Variants in PPM1L observed in about 807,000 individuals in gnomAD.
PPM1L encodes protein phosphatase 1L.
A neutral mutation model predicts 31.4 loss-of-function variants in PPM1L; 13 were observed. The observed-to-expected ratio is 0.41, with a 90% confidence interval of 0.27 to 0.66. The LOEUF (loss-of-function observed/expected upper bound fraction) is 0.66, where lower values mean the gene tolerates loss of function less well. Ranked by LOEUF, PPM1L falls within the 30% of genes least tolerant of loss-of-function variation. The pLI is 0.29. For missense variants in PPM1L, 326 were observed against 453.7 expected (o/e 0.72, Z 2.56); for synonymous variants, 184 against 175.4 (o/e 1.05, Z -0.39).
intron 1 of PPM1L, among the ~76,000 whole-genome samples, chr3:160,929,660 T>C (rs570873872): frequency 6.6e-6 from 1 of 152,326 alleles, no homozygotes; most frequent in South Asian, 2.1e-4. Context: ...CAGTGCATTT[T>C]CCCCATATCC....
At chr3:161,065,613 C>G in intron 3 of PPM1L, 49 bp downstream of exon 3, 3 of 1,580,116 alleles carry the variant, frequency 1.9e-6, no homozygotes, top group East Asian at 2.2e-5. Context: ...TGCTGGTGAA[C>G]AAGGCGGCTT....
intron 2 of PPM1L, among the ~76,000 whole-genome samples, chr3:160,991,795 CA>C (rs1717143622): frequency 6.6e-6 from 1 of 152,126 alleles, no homozygotes; most frequent in Non-Finnish European, 1.5e-5. Context: ...AAGTGTATGC[CA>C]TTCATCTCAT....
At chr3:160,894,928 T>G (rs1258421804) in intron 1 of PPM1L, among the ~76,000 whole-genome samples, 1 of 152,242 alleles carries the variant, frequency 6.6e-6, no homozygotes, top group Non-Finnish European at 1.5e-5. Flanking sequence ...TTTATTTATC[T>G]GTTTTGATTC....
intron 1 of PPM1L, among the ~76,000 whole-genome samples, chr3:160,803,982 A>G (rs1447510130): frequency 6.6e-6 from 1 of 152,178 alleles, no homozygotes; most frequent in Non-Finnish European, 1.5e-5. Context: ...CAGTGGCGCA[A>G]TCTCCGCTCA....
intron 1 of PPM1L, among the ~76,000 whole-genome samples, chr3:160,831,470 A>G (rs1473469302): frequency 6.6e-6 from 1 of 152,204 alleles, no homozygotes; most frequent in Non-Finnish European, 1.5e-5. Context: ...TATAGTTAAG[A>G]CATTCTGTTT....
chr3:160,962,284 G>T (rs1333994870), intron 2 of PPM1L, among the ~76,000 whole-genome samples: 1 of 151,306 alleles, frequency 6.6e-6, no homozygotes, highest in African/African-American at 2.4e-5. Context: ...TTCTAAAGAG[G>T]TATTTTTTTT....
chr3:160,914,292 T>TC (rs1442344579), intron 1 of PPM1L, among the ~76,000 whole-genome samples: 2 of 152,144 alleles, frequency 1.3e-5, no homozygotes, highest in African/African-American at 2.4e-5. Flanking sequence ...TTGAAGGAGT[T>TC]CTTTTTTTTA....
Position 160,756,762 on chromosome 3 carries a change from T to C in PPM1L, c.399+55T>C. On this transcript the variant is annotated intron_variant, in intron 1 of 3. Coordinates refer to ENST00000498165, the MANE Select transcript of PPM1L (RefSeq NM_139245.4). The surrounding 1 kb of genome is among the most constrained non-coding windows in gnomAD (Gnocchi z 6.2). ...TGTCCGTGTATGTCTCGTGTGTGTGTGTGTGTGTGTGTGTGTGTGTGTGTG... is the reference window on the plus strand; with the variant it reads ...TGTCCGTGTATGTCTCGTGTGTGTGCGTGTGTGTGTGTGTGTGTGTGTGTG... 7.8e-7 allele frequency: 1 copy of C among 1,282,292 alleles called. No individual in the cohort carries two copies. Among genetic ancestry groups the C allele is most frequent in the African/African-American group, 1.8e-5 (1 of 56,010 alleles). The allele number at this position is 1,282,292 out of a possible 1,614,324, so 79.4% of individuals were successfully genotyped here.
intron 1 of PPM1L, among the ~76,000 whole-genome samples, chr3:160,811,395 A>C (rs1315631014): frequency 6.6e-6 from 1 of 152,266 alleles, no homozygotes; most frequent in Admixed American, 6.5e-5. Context: ...AGGGCTTGAC[A>C]AACTATGGCC....
At chr3:160,853,701 ATAATT>A (rs762534835) in intron 1 of PPM1L, among the ~76,000 whole-genome samples, 3 of 152,200 alleles carry the variant, frequency 2.0e-5, no homozygotes, top group Non-Finnish European at 4.4e-5. Flanking sequence ...AATCATGAAA[ATAATT>A]TATTTGGGGT....
intron 1 of PPM1L, among the ~76,000 whole-genome samples, chr3:160,864,765 A>C (rs1047438970): frequency 6.6e-6 from 1 of 152,236 alleles, no homozygotes; most frequent in Non-Finnish European, 1.5e-5. Flanking sequence ...AAGGAGCCCA[A>C]GGCCCAGTCC....
At position 160,949,093 on chromosome 3, in the gene PPM1L, C is replaced by T. The variant is rs115702538; in HGVS notation, c.400-12643C>T. On this transcript the variant is annotated intron_variant, in intron 1 of 3. Coordinates refer to ENST00000498165, the MANE Select transcript of PPM1L (RefSeq NM_139245.4). ...TAAAGAAGGCAATCCCCTCTTTCCA[C>T]CCTAGGTGACTTAGAAGCAGTTGGT... Among the ~76,000 whole-genome samples the T allele has an allele frequency of 2.7e-3, 409 of 152,292 alleles. 5 individuals are homozygous for T. Among genetic ancestry groups the T allele is most frequent in the African/African-American group, 9.7e-3 (403 of 41,566 alleles).
chr3:160,953,743 T>G (rs1290385882), intron 1 of PPM1L, among the ~76,000 whole-genome samples: 2 of 152,220 alleles, frequency 1.3e-5, no homozygotes, highest in African/African-American at 4.8e-5. Context: ...TGGTGGTGGA[T>G]ATTCCCTAAA....
At chr3:160,860,878 A>G (rs754494344) in intron 1 of PPM1L, among the ~76,000 whole-genome samples, 6 of 152,174 alleles carry the variant, frequency 3.9e-5, no homozygotes, top group Non-Finnish European at 5.9e-5. Flanking sequence ...CTCTAATCCC[A>G]TTCATGAGGG....
In PPM1L at chr3:160,813,742, G is replaced by C. The variant is rs73877970; in HGVS notation, c.399+57035G>C. 9.8e-3 allele frequency among the ~76,000 whole-genome samples: 1,491 copies of C among 152,290 alleles called. 21 individuals are homozygous for C. Among genetic ancestry groups the C allele is most frequent in the African/African-American group, 0.031 (1,276 of 41,560 alleles). On this transcript the variant is annotated intron_variant, in intron 1 of 3. Coordinates refer to ENST00000498165, the MANE Select transcript of PPM1L (RefSeq NM_139245.4). ...CTTCTATAACAAAGTTTAGCCCATT[G>C]ATTTGGTTTCATGCATGCATTTAAG...
intron 1 of PPM1L, among the ~76,000 whole-genome samples, chr3:160,808,941 C>T (rs1576647881): frequency 6.6e-6 from 1 of 152,282 alleles, no homozygotes; most frequent in African/African-American, 2.4e-5. Context: ...GCTTTCTTCC[C>T]CTACCCCCAT....
intron 1 of PPM1L, among the ~76,000 whole-genome samples, chr3:160,896,695 C>G (rs1713346072): frequency 1.3e-5 from 2 of 151,992 alleles, no homozygotes; most frequent in African/African-American, 4.8e-5. Context: ...ATGTTATGGT[C>G]AAAAAGAAAA....
At chr3:161,049,130 T>C (rs1215256462) in intron 2 of PPM1L, among the ~76,000 whole-genome samples, 1 of 150,096 alleles carries the variant, frequency 6.7e-6, no homozygotes, top group Non-Finnish European at 1.5e-5. Flanking sequence ...ATACAAAAAT[T>C]AGATGGACGT....
At chr3:160,814,595 GTA>G (rs1560114799) in intron 1 of PPM1L, among the ~76,000 whole-genome samples, 1 of 118,800 alleles carries the variant, frequency 8.4e-6, no homozygotes, top group Non-Finnish European at 1.8e-5. Context: ...ACACACATAT[GTA>G]TGTATGTGTA....
Sources: allele counts gnomAD v4.1 joint callset (sites outside exome capture counted in the v4.1 genomes callset), GRCh38; gene constraint gnomAD v4.1.1; non-coding constraint Gnocchi (gnomAD v3.1); transcripts MANE v1.5; gene names NCBI Gene and HGNC (gene_info 2026-07-23, HGNC 2026-07-21).